Variants in CADM2 observed in about 807,000 individuals in gnomAD.
CADM2 encodes the protein cell adhesion molecule 2, also known as immunoglobulin superfamily member 4D.
A neutral mutation model predicts 49.8 loss-of-function variants in CADM2; 12 were observed. That is an observed-to-expected ratio of 0.24 (90% CI 0.15 to 0.39). CADM2 has a LOEUF of 0.39. Among genes scored for constraint, CADM2 ranks in the 10% least tolerant of loss-of-function variants. The pLI, the probability that CADM2 is intolerant of heterozygous loss-of-function variation, is 1.00. For synonymous variants in CADM2, 214 were observed against 175.4 expected (o/e 1.22, Z -1.74); for missense variants, 378 against 492.3 (o/e 0.77, Z 2.20).
At chr3:85,296,791 T>C (rs545381021) in intron 1 of CADM2, among the ~76,000 whole-genome samples, 2 of 152,112 alleles carry the variant, frequency 1.3e-5, no homozygotes, top group African/African-American at 4.8e-5. Flanking sequence ...GGATTCCACA[T>C]GATTTCTTCC....
chr3:85,887,269 G>A (rs188660761), intron 5 of CADM2, among the ~76,000 whole-genome samples: 99 of 152,074 alleles, frequency 6.5e-4, no homozygotes, highest in African/African-American at 2.4e-3. Context: ...TTTATTTTTT[G>A]TAGAGATCGT....
chr3:85,129,939 C>A (rs1201957338), intron 1 of CADM2, among the ~76,000 whole-genome samples: 2 of 152,122 alleles, frequency 1.3e-5, no homozygotes, highest in African/African-American at 4.8e-5. Flanking sequence ...TTTGTTGATG[C>A]CTTCCACGCT....
intron 2 of CADM2, among the ~76,000 whole-genome samples, chr3:85,731,160 C>T (rs1480427335): frequency 2.0e-5 from 3 of 152,088 alleles, no homozygotes; most frequent in Non-Finnish European, 4.4e-5. Context: ...TTTGGAATCC[C>T]AGGCTACCCA....
At chr3:85,930,999 A>C (rs1450888739) in intron 6 of CADM2, among the ~76,000 whole-genome samples, 1 of 151,512 alleles carries the variant, frequency 6.6e-6, no homozygotes, top group East Asian at 1.9e-4. Context: ...CCTTCTAAAC[A>C]TCAGGCACCA....
At chr3:85,021,330 G>A (rs2034499814) in intron 1 of CADM2, among the ~76,000 whole-genome samples, 1 of 152,064 alleles carries the variant, frequency 6.6e-6, no homozygotes, top group Admixed American at 6.6e-5. Flanking sequence ...CGAACAAAAC[G>A]AAAAAGTTAG....
chr3:85,269,227 A>G (rs2043183405), intron 1 of CADM2, among the ~76,000 whole-genome samples: 1 of 151,436 alleles, frequency 6.6e-6, no homozygotes, highest in African/African-American at 2.4e-5. Context: ...ATTTCACTCT[A>G]AACCCCACGA....
chr3:85,077,950 G>A (rs1313971611), intron 1 of CADM2, among the ~76,000 whole-genome samples: 1 of 151,978 alleles, frequency 6.6e-6, no homozygotes, highest in African/African-American at 2.4e-5. Flanking sequence ...TTTGGTTGGT[G>A]CACACAAACT....
chr3:85,924,941 A>G (rs982164415), intron 6 of CADM2, among the ~76,000 whole-genome samples: 6 of 152,192 alleles, frequency 3.9e-5, no homozygotes, highest in African/African-American at 1.4e-4. Flanking sequence ...TTTTCAGACA[A>G]TGCATTCTAT....
At chr3:85,948,678 A>G (rs1248871192) in intron 7 of CADM2, among the ~76,000 whole-genome samples, 1 of 151,450 alleles carries the variant, frequency 6.6e-6, no homozygotes, top group Non-Finnish European at 1.5e-5. Context: ...TACAAAACTC[A>G]AACGTATAGA....
At chr3:85,819,775 T>C (rs1466405420) in intron 3 of CADM2, among the ~76,000 whole-genome samples, 2 of 152,182 alleles carry the variant, frequency 1.3e-5, no homozygotes, top group East Asian at 1.9e-4. Flanking sequence ...AACTGCTTTT[T>C]GCAGTTTTTC....
chr3:85,349,216 G>A (rs73845433), intron 1 of CADM2, among the ~76,000 whole-genome samples: 1,759 of 152,224 alleles, frequency 0.012, 38 homozygotes, highest in African/African-American at 0.04. Flanking sequence ...GCCTCTCCGC[G>A]TTTATTAAGG....
intron 1 of CADM2, among the ~76,000 whole-genome samples, chr3:85,362,987 G>A (rs944142794): frequency 1.3e-5 from 2 of 152,108 alleles, no homozygotes; most frequent in Non-Finnish European, 2.9e-5. Flanking sequence ...AATCACTTGT[G>A]CTGACATGGT....
intron 8 of CADM2, among the ~76,000 whole-genome samples, chr3:85,988,027 A>G (rs1311869887): frequency 6.6e-6 from 1 of 152,128 alleles, no homozygotes; most frequent in Non-Finnish European, 1.5e-5. Context: ...GAAACACCGA[A>G]TTGATACTAA....
At chr3:85,957,227 A>G (rs1459974859) in intron 7 of CADM2, among the ~76,000 whole-genome samples, 1 of 151,764 alleles carries the variant, frequency 6.6e-6, no homozygotes, top group African/African-American at 2.4e-5. Context: ...TAAATGAAGC[A>G]TGTTGAGAAC....
intron 8 of CADM2, among the ~76,000 whole-genome samples, chr3:86,042,815 A>G (rs1055320652): frequency 3.9e-5 from 6 of 152,232 alleles, no homozygotes; most frequent in Non-Finnish European, 8.8e-5. Flanking sequence ...ATAACCATCA[A>G]TGCAAAAATC....
rs568513833 is a variant in CADM2 at position 85,581,367 on chromosome 3, A to G, written c.62-145155A>G. On this transcript the variant is annotated intron_variant, in intron 1 of 9. Transcript: ENST00000383699. ...ATAAAAACAGTCATTCTCTCTTGTT[A>G]TATATGTTAAACAGAAACACGTAAG... 2.9e-3 allele frequency among the ~76,000 whole-genome samples: 437 copies of G among 151,952 alleles called. 1 individual carries two copies. Among genetic ancestry groups the G allele is most frequent in the South Asian group, 7.5e-3 (36 of 4,810 alleles).
At chr3:85,860,052 T>G (rs1174620535) in intron 3 of CADM2, among the ~76,000 whole-genome samples, 1 of 152,206 alleles carries the variant, frequency 6.6e-6, no homozygotes, top group Non-Finnish European at 1.5e-5. Flanking sequence ...TATTATATCT[T>G]TAGCTCATTT....
intron 1 of CADM2, among the ~76,000 whole-genome samples, chr3:85,372,600 A>G (rs1301597453): frequency 1.3e-5 from 2 of 152,086 alleles, no homozygotes; most frequent in African/African-American, 4.8e-5. Context: ...GCCCACATTT[A>G]TGATGTTCAG....
chr3:85,146,203 T>A (rs1436976519), intron 1 of CADM2, among the ~76,000 whole-genome samples: 1 of 152,168 alleles, frequency 6.6e-6, no homozygotes, highest in Non-Finnish European at 1.5e-5. Context: ...GATTTTTACA[T>A]TTTAACAACA....
Sources: allele counts gnomAD v4.1 joint callset (sites outside exome capture counted in the v4.1 genomes callset), GRCh38; gene constraint gnomAD v4.1.1; transcripts MANE v1.5; gene names NCBI Gene and HGNC (gene_info 2026-07-23, HGNC 2026-07-21).